Variants in EDN1 observed in about 807,000 individuals in gnomAD.
EDN1 encodes endothelin 1.
EDN1 carries 11 observed loss-of-function variants against 21.7 expected under a neutral mutation model. The ratio of observed to expected loss-of-function variants is 0.51; its 90% CI spans 0.32 to 0.84. EDN1 has a LOEUF of 0.84. Ranked by LOEUF, EDN1 falls within the 40% of genes least tolerant of loss-of-function variation. The pLI is 0.03. For missense variants in EDN1, 244 were observed against 262.3 expected (o/e 0.93, Z 0.48); for synonymous variants, 85 against 90.6 (o/e 0.94, Z 0.35).
At position 12,295,971 on chromosome 6, in the gene EDN1, C is replaced by A. The variant is rs771627979; in HGVS notation, c.543C>A (p.Thr181=). 2.5e-6 allele frequency: 4 copies of A among 1,613,896 alleles called. No homozygotes were observed. Among genetic ancestry groups the A allele is most frequent in the South Asian group, 1.1e-5 (1 of 91,064 alleles). Residue 181 remains threonine, a synonymous_variant, in exon 5 of 5, where the codon ACC becomes ACA. Transcript: ENST00000379375. ...TATCTTGCTTTATTAGGTCGGAGAC[C>A]ATGAGAAACAGCGTCAAATCATCTT... ...EEHLRQTRSE[T]MRNSVKSSFH... is the part of the protein sequence containing the mutation.
chr6:12,265,674 AC>A, the EDN1 span, among the ~76,000 whole-genome samples: 1 of 152,220 alleles, frequency 6.6e-6, no homozygotes, highest in African/African-American at 2.4e-5. Context: ...ATTATTTGTT[AC>A]GGCAGCCCTA....
upstream of EDN1, among the ~76,000 whole-genome samples, chr6:12,289,687 G>T (rs950412539): frequency 1.3e-5 from 2 of 152,192 alleles, no homozygotes; most frequent in African/African-American, 2.4e-5. Flanking sequence ...CAGTGATAGG[G>T]AAAAGACTGG....
At chr6:12,251,392 T>G in the EDN1 span, among the ~76,000 whole-genome samples, 1 of 152,216 alleles carries the variant, frequency 6.6e-6, no homozygotes, top group Non-Finnish European at 1.5e-5. Flanking sequence ...GAATGATATC[T>G]CATCAAACTT....
the EDN1 span, among the ~76,000 whole-genome samples, chr6:12,258,471 A>AAAAAAT: frequency 2.7e-5 from 4 of 150,330 alleles, no homozygotes; most frequent in South Asian, 4.2e-4. Flanking sequence ...AAAAAAAAAA[A>AAAAAAT]GCCAATTACA....
At chr6:12,289,309 A>G (rs1581881757), upstream of EDN1, among the ~76,000 whole-genome samples, 2 of 151,356 alleles carry the variant, frequency 1.3e-5, no homozygotes, top group Admixed American at 6.6e-5. Flanking sequence ...AAATGAAGAC[A>G]CCCCCCCAAA....
the EDN1 span, among the ~76,000 whole-genome samples, chr6:12,267,104 C>T: frequency 3.9e-5 from 6 of 152,202 alleles, no homozygotes; most frequent in African/African-American, 1.2e-4. Flanking sequence ...TATTGCCCTT[C>T]GCAGATATTG....
chr6:12,281,124 T>G, the EDN1 span, among the ~76,000 whole-genome samples: 1 of 152,166 alleles, frequency 6.6e-6, no homozygotes, highest in South Asian at 2.1e-4. Context: ...TCCGACTGCC[T>G]GATTCTTCCT....
the EDN1 span, among the ~76,000 whole-genome samples, chr6:12,281,586 A>T: frequency 6.6e-6 from 1 of 152,182 alleles, no homozygotes; most frequent in Non-Finnish European, 1.5e-5. Flanking sequence ...TAATGAGTAG[A>T]CATTAGTTTC....
chr6:12,236,287 A>ATT, the EDN1 span, among the ~76,000 whole-genome samples: 2 of 149,356 alleles, frequency 1.3e-5, no homozygotes, highest in African/African-American at 2.5e-5. Flanking sequence ...ATGCCAAACA[A>ATT]TTTTTTTTTT....
At chr6:12,274,998 C>T in the EDN1 span, among the ~76,000 whole-genome samples, 1 of 142,600 alleles carries the variant, frequency 7.0e-6, no homozygotes, top group Non-Finnish European at 1.6e-5. Flanking sequence ...CCCTCCCTCC[C>T]TCCCTCCCTT....
At chr6:12,267,777 A>G in the EDN1 span, among the ~76,000 whole-genome samples, 2 of 152,242 alleles carry the variant, frequency 1.3e-5, no homozygotes, top group East Asian at 1.9e-4. Context: ...AGAAGATGCT[A>G]TCTAGGACTT....
the EDN1 span, among the ~76,000 whole-genome samples, chr6:12,263,805 T>G: frequency 6.6e-6 from 1 of 152,154 alleles, no homozygotes; most frequent in Non-Finnish European, 1.5e-5. Context: ...TCCTTTCTGG[T>G]TCCTTGTTAA....
chr6:12,237,324 C>T, the EDN1 span, among the ~76,000 whole-genome samples: 3 of 152,198 alleles, frequency 2.0e-5, no homozygotes, highest in African/African-American at 7.2e-5. Flanking sequence ...TAACATTATC[C>T]ACGCTTATCT....
the EDN1 span, among the ~76,000 whole-genome samples, chr6:12,278,592 C>T: frequency 6.6e-6 from 1 of 152,152 alleles, no homozygotes; most frequent in Non-Finnish European, 1.5e-5. Context: ...TTAAAAATCT[C>T]TTGCAAAAGC....
chr6:12,230,569 C>G, the EDN1 span, among the ~76,000 whole-genome samples: 1 of 152,084 alleles, frequency 6.6e-6, no homozygotes, highest in Non-Finnish European at 1.5e-5. Flanking sequence ...CAACAAAAAG[C>G]ATAAAAATGT....
rs532552692 is a variant in EDN1, at chr6:12,293,412, A to G, written c.234-529A>G. Among the ~76,000 whole-genome samples the G allele has an allele frequency of 1.3e-5, 2 of 152,310 alleles. 1 individual carries two copies. Among genetic ancestry groups the G allele is most frequent in the Admixed American group, 1.3e-4 (2 of 15,304 alleles). ...CAACCATATGGTACCACCGACTGGC[A>G]GGAGAAATGTGTGAACATGTGCCTC... On this transcript the variant is annotated intron_variant, in intron 2 of 4. Coordinates refer to ENST00000379375, the MANE Select transcript of EDN1 (RefSeq NM_001955.5).
chr6:12,242,082 A>G, the EDN1 span, among the ~76,000 whole-genome samples: 2 of 152,220 alleles, frequency 1.3e-5, no homozygotes, highest in Non-Finnish European at 2.9e-5. Flanking sequence ...CCTCAACAGC[A>G]TATTCCTCTT....
At chr6:12,284,720 AAAGGAAGG>A in the EDN1 span, among the ~76,000 whole-genome samples, 7,132 of 127,204 alleles carry the variant, frequency 0.056, 405 homozygotes, top group African/African-American at 0.094. Context: ...AGAAAGAAGG[AAAGGAAGG>A]AAGGAAGGAA....
At chr6:12,244,423 A>C in the EDN1 span, among the ~76,000 whole-genome samples, 1,147 of 152,358 alleles carry the variant, frequency 7.5e-3, 22 homozygotes, top group African/African-American at 0.026. Flanking sequence ...TGTCTGGTTT[A>C]CACAAGCAGG....
Sources: allele counts gnomAD v4.1 joint callset (sites outside exome capture counted in the v4.1 genomes callset), GRCh38; gene constraint gnomAD v4.1.1; transcripts MANE v1.5; gene names NCBI Gene and HGNC (gene_info 2026-07-23, HGNC 2026-07-21).